The following CCSER1 variants were observed in gnomAD, a reference collection of about 807,000 sequenced individuals.
CCSER1 encodes serine-rich coiled-coil domain-containing protein 1.
Under a neutral mutation model 82.0 loss-of-function variants are expected in CCSER1, and 41 were observed. The observed-to-expected ratio is 0.50, with a 90% CI of 0.39 to 0.65. The LOEUF is 0.65. CCSER1 is among the 30% of genes least tolerant of loss of function. The pLI is 0.00. For missense variants in CCSER1, 1,119 were observed against 1,064.2 expected (o/e 1.05, Z -0.72); for synonymous variants, 414 against 383.9 (o/e 1.08, Z -0.92).
intron 1 of CCSER1, among the ~76,000 whole-genome samples, chr4:90,274,691 T>C (rs7676068): frequency 0.048 from 7,382 of 152,230 alleles, 474 homozygotes; most frequent in African/African-American, 0.15. Context: ...TATTTTTCTT[T>C]TGCAAAATTT....
At chr4:90,668,081 G>A (rs973413700) in intron 6 of CCSER1, among the ~76,000 whole-genome samples, 3 of 152,134 alleles carry the variant, frequency 2.0e-5, no homozygotes, top group Non-Finnish European at 4.4e-5. Context: ...TAGATCTAAA[G>A]ATGCCAATCC....
intron 4 of CCSER1, among the ~76,000 whole-genome samples, chr4:90,422,884 CA>C (rs1039752685): frequency 1.4e-4 from 22 of 152,144 alleles, no homozygotes; most frequent in African/African-American, 5.3e-4. Flanking sequence ...TCAACAGCCT[CA>C]AAATGACAGG....
chr4:91,196,178 CAAAAAAA>C (rs61336014), intron 10 of CCSER1, among the ~76,000 whole-genome samples: 1 of 60,830 alleles, frequency 1.6e-5, no homozygotes, highest in African/African-American at 4.3e-5. Flanking sequence ...AACAGCGAGA[CAAAAAAA>C]AAAAAAAAAA....
At chr4:90,276,247 TTTCTTTCCTTCCTTCCTTCCTTCC>T (rs1727649303) in intron 1 of CCSER1, among the ~76,000 whole-genome samples, 11 of 99,358 alleles carry the variant, frequency 1.1e-4, no homozygotes, top group East Asian at 3.1e-4. Context: ...TCTTTCTTTC[TTTCTTTCCTTCCTTCCTTCCTTCC>T]TTCCTTCCTT....
At chr4:91,310,574 A>G (rs541697378) in intron 10 of CCSER1, among the ~76,000 whole-genome samples, 1 of 151,738 alleles carries the variant, frequency 6.6e-6, no homozygotes, top group Non-Finnish European at 1.5e-5. Flanking sequence ...GGTCTATCTC[A>G]CTTCCCTCTG....
At chr4:90,538,217 C>T (rs1008819091) in intron 5 of CCSER1, among the ~76,000 whole-genome samples, 1 of 152,008 alleles carries the variant, frequency 6.6e-6, no homozygotes, top group Non-Finnish European at 1.5e-5. Flanking sequence ...CTGGGGGTTG[C>T]AGCAGGAGAC....
intron 4 of CCSER1, among the ~76,000 whole-genome samples, chr4:90,413,849 T>C (rs1432333244): frequency 7.0e-6 from 1 of 143,794 alleles, no homozygotes; most frequent in Non-Finnish European, 1.5e-5. Context: ...CTCGGGAGGC[T>C]GAGGCAGGAG....
chr4:90,296,082 T>A (rs1053674665), intron 1 of CCSER1, among the ~76,000 whole-genome samples: 3 of 152,108 alleles, frequency 2.0e-5, no homozygotes, highest in Admixed American at 1.3e-4. Flanking sequence ...GTATTTTTGT[T>A]ATACTGACAT....
At chr4:91,411,507 TATATATATATATATATATAA>T (rs1753037971) in intron 10 of CCSER1, among the ~76,000 whole-genome samples, 1 of 67,302 alleles carries the variant, frequency 1.5e-5, no homozygotes, top group African/African-American at 4.8e-5. Context: ...TATATATATA[TATATATATATATATATATAA>T]AATCTTGACT....
intron 10 of CCSER1, among the ~76,000 whole-genome samples, chr4:91,178,860 T>G (rs1275566284): frequency 2.6e-5 from 4 of 152,188 alleles, no homozygotes; most frequent in Non-Finnish European, 5.9e-5. Flanking sequence ...TAGCTGGATA[T>G]TTTGCTCATT....
chr4:90,384,095 G>T (rs995107948), intron 3 of CCSER1, among the ~76,000 whole-genome samples: 18 of 150,220 alleles, frequency 1.2e-4, no homozygotes, highest in Non-Finnish European at 1.8e-4. Context: ...CGTTTTTTTT[G>T]TTGTTGTTGT....
At chr4:90,307,526 G>A (rs1455602574) in intron 1 of CCSER1, among the ~76,000 whole-genome samples, 52 of 149,916 alleles carry the variant, frequency 3.5e-4, no homozygotes, top group Non-Finnish European at 6.7e-4. Flanking sequence ...GGGAGGGATG[G>A]CATAAGAGAA....
intron 1 of CCSER1, among the ~76,000 whole-genome samples, chr4:90,259,473 T>C (rs1359348416): frequency 6.6e-6 from 1 of 152,120 alleles, no homozygotes; most frequent in Non-Finnish European, 1.5e-5. Flanking sequence ...TTCTTTCTCT[T>C]GCCTAATTGC....
chr4:90,878,413 A>T (rs1346815628), intron 8 of CCSER1, among the ~76,000 whole-genome samples: 1 of 152,082 alleles, frequency 6.6e-6, no homozygotes, highest in African/African-American at 2.4e-5. Context: ...TTGTACCTCT[A>T]TTTGGGTACA....
chr4:90,482,846 C>G (rs1766280778), intron 5 of CCSER1, among the ~76,000 whole-genome samples: 1 of 152,154 alleles, frequency 6.6e-6, no homozygotes, highest in Admixed American at 6.5e-5. Flanking sequence ...AATGTATATT[C>G]TGTTGATTTG....
At chr4:90,927,026 T>C (rs1000121231) in intron 9 of CCSER1, among the ~76,000 whole-genome samples, 5 of 151,988 alleles carry the variant, frequency 3.3e-5, no homozygotes, top group Admixed American at 6.6e-5. Context: ...CTACTACAAA[T>C]AGCATTTTGA....
At chr4:90,735,921 T>G (rs940173205) in intron 7 of CCSER1, among the ~76,000 whole-genome samples, 1 of 152,108 alleles carries the variant, frequency 6.6e-6, no homozygotes, top group Non-Finnish European at 1.5e-5. Flanking sequence ...GTTCATTGGT[T>G]TCAAGCAATT....
chr4:90,874,092 T>G (rs577150354), intron 8 of CCSER1, among the ~76,000 whole-genome samples: 4 of 152,266 alleles, frequency 2.6e-5, no homozygotes, highest in South Asian at 2.1e-4. Context: ...CATCTTCAAT[T>G]TAAAAAGTTA....
Position 90,648,635 on chromosome 4 carries a change from C to G in CCSER1, c.1932+20403C>G, listed in dbSNP as rs975890097. Among the ~76,000 whole-genome samples, 5 of 152,052 alleles carry G rather than the reference C, an allele frequency of 3.3e-5. No individual in the cohort carries two copies. In the East Asian group the frequency reaches 9.7e-4, roughly 29 times the overall value. ...TAAGAAGACAAAGAAACAGTAAAAGCCAAGTGAGGACAGAGAGAGAATGCA... is the reference window on the plus strand; with the variant it reads ...TAAGAAGACAAAGAAACAGTAAAAGGCAAGTGAGGACAGAGAGAGAATGCA... On this transcript the variant is annotated intron_variant, in intron 6 of 10. Transcript: ENST00000509176.
Sources: gnomAD v4.1 joint callset for allele counts (sites outside exome capture counted in the v4.1 genomes callset) on GRCh38, gnomAD v4.1.1 for gene constraint, MANE v1.5 for transcripts, NCBI Gene and HGNC (gene_info 2026-07-23, HGNC 2026-07-21) for gene names.